Variants in NXPE2 observed in about 807,000 individuals in gnomAD.
NXPE2 encodes NXPE family member 2.
NXPE2 carries 34 observed loss-of-function variants against 34.4 expected under a neutral mutation model. That is an observed-to-expected ratio of 0.99 (90% CI 0.75 to 1.31). The LOEUF (loss-of-function observed/expected upper bound fraction) is 1.31, where lower values mean the gene tolerates loss of function less well. NXPE2 is among the 40% of genes most tolerant of loss of function. The probability of loss-of-function intolerance (pLI) is 0.00; values close to 1 mark genes in which losing one functional copy is unlikely to be tolerated. For missense variants in NXPE2, 649 were observed against 672.5 expected (o/e 0.97, Z 0.39); for synonymous variants, 235 against 231.3 (o/e 1.02, Z -0.15).
the NXPE2 span, among the ~76,000 whole-genome samples, chr11:114,578,974 A>G: frequency 6.6e-6 from 1 of 152,166 alleles, no homozygotes; most frequent in Non-Finnish European, 1.5e-5. Context: ...TCTTCTATAC[A>G]GACTTGTACT....
the NXPE2 span, among the ~76,000 whole-genome samples, chr11:114,726,268 C>G: frequency 6.6e-6 from 1 of 151,950 alleles, no homozygotes; most frequent in Admixed American, 6.6e-5. Context: ...ATATGCCAGT[C>G]TTTCCTGGCT....
At chr11:114,686,478 A>G (rs1951050261) in intron 2 of NXPE2, among the ~76,000 whole-genome samples, 1 of 152,168 alleles carries the variant, frequency 6.6e-6, no homozygotes, top group Admixed American at 6.5e-5. Context: ...GTAGTATTCC[A>G]TGGTGTATAT....
chr11:114,669,370 C>T, the NXPE2 span, among the ~76,000 whole-genome samples: 79 of 152,054 alleles, frequency 5.2e-4, no homozygotes, highest in South Asian at 1.2e-3. Context: ...AAGCTCTACT[C>T]TGGCAGGTGC....
the NXPE2 span, among the ~76,000 whole-genome samples, chr11:114,622,934 C>T: frequency 1.1e-4 from 16 of 152,106 alleles, no homozygotes; most frequent in African/African-American, 2.9e-4. Flanking sequence ...CGTATTGCCT[C>T]GTGGGTTACC....
At chr11:114,502,693 A>G in the NXPE2 span, among the ~76,000 whole-genome samples, 1 of 152,164 alleles carries the variant, frequency 6.6e-6, no homozygotes, top group Non-Finnish European at 1.5e-5. Flanking sequence ...TCTCATATGA[A>G]TTCCTTGGAG....
the NXPE2 span, among the ~76,000 whole-genome samples, chr11:114,611,597 G>T: frequency 6.6e-6 from 1 of 151,648 alleles, no homozygotes; most frequent in African/African-American, 2.4e-5. Context: ...TGTGTCGTGG[G>T]TCACAATTCT....
the NXPE2 span, among the ~76,000 whole-genome samples, chr11:114,568,954 A>T: frequency 1.3e-5 from 2 of 152,182 alleles, no homozygotes; most frequent in East Asian, 3.9e-4. Flanking sequence ...AGACTAGAAC[A>T]GTTCCTGGCA....
chr11:114,632,598 T>C, the NXPE2 span, among the ~76,000 whole-genome samples: 1 of 105,606 alleles, frequency 9.5e-6, no homozygotes, highest in Non-Finnish European at 1.7e-5. Flanking sequence ...TATATTGATG[T>C]ATATATTTAT....
At chr11:114,632,867 T>C in the NXPE2 span, among the ~76,000 whole-genome samples, 3 of 55,448 alleles carry the variant, frequency 5.4e-5, no homozygotes, top group African/African-American at 2.3e-4. Context: ...ATATAATATA[T>C]AATTATATAA....
At chr11:114,689,164 T>C (rs1951103713) in intron 2 of NXPE2, among the ~76,000 whole-genome samples, 1 of 152,016 alleles carries the variant, frequency 6.6e-6, no homozygotes, top group Non-Finnish European at 1.5e-5. Context: ...CTATTTCCTT[T>C]AGGTGTGAAG....
At chr11:114,786,608 T>C in the NXPE2 span, among the ~76,000 whole-genome samples, 1 of 152,182 alleles carries the variant, frequency 6.6e-6, no homozygotes, top group East Asian at 1.9e-4. Flanking sequence ...TAAACTTCCA[T>C]GATTAGGAAT....
chr11:114,620,968 C>T, the NXPE2 span, among the ~76,000 whole-genome samples: 4 of 152,162 alleles, frequency 2.6e-5, no homozygotes, highest in Non-Finnish European at 5.9e-5. Context: ...TAAGTGTTCC[C>T]TCATGGGTAA....
chr11:114,734,278 T>C, the NXPE2 span, among the ~76,000 whole-genome samples: 1 of 152,122 alleles, frequency 6.6e-6, no homozygotes, highest in African/African-American at 2.4e-5. Flanking sequence ...TACTTTAATC[T>C]GATATAAATT....
intron 2 of NXPE2, among the ~76,000 whole-genome samples, chr11:114,694,238 C>T (rs1021105951): frequency 6.6e-6 from 1 of 152,240 alleles, no homozygotes; most frequent in East Asian, 1.9e-4. Context: ...AGCATAATTA[C>T]ACCTTCAATC....
At chr11:114,617,094 T>C in the NXPE2 span, among the ~76,000 whole-genome samples, 2 of 151,822 alleles carry the variant, frequency 1.3e-5, no homozygotes, top group African/African-American at 2.4e-5. Flanking sequence ...AATGCATGGA[T>C]AATAAGTGTT....
the NXPE2 span, among the ~76,000 whole-genome samples, chr11:114,752,033 G>A: frequency 6.6e-6 from 1 of 152,196 alleles, no homozygotes; most frequent in African/African-American, 2.4e-5. Flanking sequence ...TAGACTTCTG[G>A]CCTACAGAAC....
the NXPE2 span, among the ~76,000 whole-genome samples, chr11:114,739,324 CTT>C: frequency 8.9e-5 from 5 of 56,104 alleles, no homozygotes; most frequent in Admixed American, 1.1e-3. Flanking sequence ...TCCTTCCTTC[CTT>C]CCTTCCTTCC....
At chr11:114,622,373 G>A in the NXPE2 span, among the ~76,000 whole-genome samples, 3 of 151,942 alleles carry the variant, frequency 2.0e-5, no homozygotes, top group Non-Finnish European at 4.4e-5. Flanking sequence ...CTGTTACCAA[G>A]TGGATAATAA....
the NXPE2 span, among the ~76,000 whole-genome samples, chr11:114,511,731 C>T: frequency 0.013 from 1,919 of 152,296 alleles, 44 homozygotes; most frequent in African/African-American, 0.043. Flanking sequence ...TGATCCCTCA[C>T]GAATGGCGTG....
Sources: gnomAD v4.1 joint callset for allele counts (sites outside exome capture counted in the v4.1 genomes callset) on GRCh38, gnomAD v4.1.1 for gene constraint, MANE v1.5 for transcripts, NCBI Gene and HGNC (gene_info 2026-07-23, HGNC 2026-07-21) for gene names.